ROBO1: variants seen among roughly 807,000 people sequenced by gnomAD.
The protein encoded by ROBO1 is roundabout homolog 1.
In ROBO1, 149 loss-of-function variants were observed where a neutral mutation model predicts 195.9. That is an observed-to-expected ratio of 0.76 (90% CI 0.67 to 0.87). ROBO1 has a LOEUF of 0.87. Among genes scored for constraint, ROBO1 ranks in the 40% least tolerant of loss-of-function variants. ROBO1 has a pLI of 0.00. For synonymous variants in ROBO1, 816 were observed against 733.2 expected (o/e 1.11, Z -1.82); for missense variants, 1,933 against 2,068.3 (o/e 0.93, Z 1.27).
chr3:79,697,177 C>A (rs1447213605), intron 1 of ROBO1, among the ~76,000 whole-genome samples: 4 of 151,416 alleles, frequency 2.6e-5, no homozygotes, highest in South Asian at 2.1e-4. Flanking sequence ...AGGGTAATTT[C>A]CACCTAAGTA....
At chr3:78,889,451 C>T (rs1559967343) in intron 4 of ROBO1, among the ~76,000 whole-genome samples, 1 of 152,210 alleles carries the variant, frequency 6.6e-6, no homozygotes, top group Non-Finnish European at 1.5e-5. Flanking sequence ...AGAAAGCACA[C>T]ATGTGCGTAA....
intron 2 of ROBO1, among the ~76,000 whole-genome samples, chr3:79,342,962 G>T (rs1221132116): frequency 1.3e-5 from 2 of 152,104 alleles, no homozygotes; most frequent in Non-Finnish European, 2.9e-5. Context: ...ATTATAGGAA[G>T]TAGTTTCACT....
chr3:79,591,874 T>C (rs957764735), intron 1 of ROBO1, among the ~76,000 whole-genome samples: 1 of 151,706 alleles, frequency 6.6e-6, no homozygotes, highest in African/African-American at 2.4e-5. Flanking sequence ...CTCAGATTCC[T>C]CTTCTCTCTA....
At chr3:78,718,030 T>TAC (rs2081946332) in intron 5 of ROBO1, 147 bp from the exon 6 acceptor site, 1 of 745,764 alleles carries the variant, frequency 1.3e-6, no homozygotes, top group East Asian at 2.8e-5. Context: ...TTTGCTATTT[T>TAC]TAGGTAGTAC....
At chr3:78,935,872 T>C (rs1223700688) in intron 4 of ROBO1, among the ~76,000 whole-genome samples, 5 of 152,054 alleles carry the variant, frequency 3.3e-5, no homozygotes. Flanking sequence ...ATGTTAGAGA[T>C]AAAAACTACT....
chr3:79,509,349 T>C (rs899595333), intron 2 of ROBO1, among the ~76,000 whole-genome samples: 1 of 152,178 alleles, frequency 6.6e-6, no homozygotes, highest in African/African-American at 2.4e-5. Flanking sequence ...TTAATGTTCC[T>C]GCTTATGCTC....
rs1467242510 is a variant in ROBO1 at position 78,925,136 on chromosome 3, A to G, written c.499+13465T>C. Among the ~76,000 whole-genome samples, 3 of 152,244 alleles carry G rather than the reference A, an allele frequency of 2.0e-5. No homozygotes were observed. The East Asian group carries it at 5.8e-4, about 29-fold the overall frequency. On this transcript the variant is annotated intron_variant, in intron 4 of 30. Transcript: ENST00000464233. ...ACATTTAGCTATAATGTTAATGAATACTTTTTTCTGCTTATGTAACAATTT... is the reference window on the plus strand; with the variant it reads ...ACATTTAGCTATAATGTTAATGAATGCTTTTTTCTGCTTATGTAACAATTT...
At chr3:78,906,625 A>T (rs2107510608) in intron 4 of ROBO1, among the ~76,000 whole-genome samples, 1 of 152,240 alleles carries the variant, frequency 6.6e-6, no homozygotes, top group Non-Finnish European at 1.5e-5. Context: ...AAACATTCTG[A>T]TACTTTAAAA....
chr3:78,918,139 T>C (rs1642686405), intron 4 of ROBO1, among the ~76,000 whole-genome samples: 1 of 152,206 alleles, frequency 6.6e-6, no homozygotes, highest in African/African-American at 2.4e-5. Context: ...ATAGTAGATT[T>C]TTAATCAACT....
At chr3:79,517,343 A>G (rs138632287) in intron 2 of ROBO1, among the ~76,000 whole-genome samples, 2 of 152,160 alleles carry the variant, frequency 1.3e-5, no homozygotes, top group African/African-American at 4.8e-5. Flanking sequence ...GACACTGACC[A>G]TCACTCTCTC....
At chr3:78,633,361 C>A (rs529990039) in intron 24 of ROBO1, among the ~76,000 whole-genome samples, 2 of 152,292 alleles carry the variant, frequency 1.3e-5, no homozygotes, top group Non-Finnish European at 2.9e-5. Flanking sequence ...AGCATGAAGA[C>A]CACAGGGAAG....
intron 2 of ROBO1, among the ~76,000 whole-genome samples, chr3:79,333,313 T>C (rs1171869971): frequency 1.3e-5 from 2 of 152,182 alleles, no homozygotes; most frequent in African/African-American, 4.8e-5. Flanking sequence ...TGAAATGTCT[T>C]TGATTTAAAA....
chr3:78,956,230 CA>C (rs1484663107), intron 3 of ROBO1, among the ~76,000 whole-genome samples: 1 of 152,062 alleles, frequency 6.6e-6, no homozygotes. Flanking sequence ...CATTCCAAAA[CA>C]AATGTCTAGT....
chr3:79,043,148 A>C (rs1295390146), intron 3 of ROBO1, among the ~76,000 whole-genome samples: 1 of 152,186 alleles, frequency 6.6e-6, no homozygotes, highest in Non-Finnish European at 1.5e-5. Flanking sequence ...AATAAGAAAC[A>C]GTAGATGCAA....
At chr3:78,782,324 G>A (rs917019710) in intron 4 of ROBO1, among the ~76,000 whole-genome samples, 3 of 151,884 alleles carry the variant, frequency 2.0e-5, no homozygotes, top group African/African-American at 7.3e-5. Flanking sequence ...AGCCTCCCAA[G>A]TAGCTGGGAT....
In ROBO1 at chr3:79,753,431, C is replaced by T. The variant is rs1434256484; in HGVS notation, c.-51+14321G>A. 2.0e-5 allele frequency among the ~76,000 whole-genome samples: 3 copies of T among 152,140 alleles called. No individual in the cohort carries two copies. The East Asian group carries it at 5.8e-4, about 29-fold the overall frequency. On this transcript the variant is annotated intron_variant, in intron 1 of 30. Coordinates refer to ENST00000464233, the MANE Select transcript of ROBO1 (RefSeq NM_002941.4). ...GACAAAATAGGGTTGAACCTAAGCT[C>T]TGCCATGAAACCTTGTACATGAGAG... is the stretch of plus-strand genomic sequence containing the variant.
intron 1 of ROBO1, among the ~76,000 whole-genome samples, chr3:79,642,783 G>A (rs1048064194): frequency 5.9e-5 from 9 of 151,896 alleles, no homozygotes; most frequent in Non-Finnish European, 1.2e-4. Flanking sequence ...CACTCTGAAC[G>A]AAAAAAACAC....
At chr3:78,686,784 C>T (rs2081061994) in intron 9 of ROBO1, among the ~76,000 whole-genome samples, 1 of 152,058 alleles carries the variant, frequency 6.6e-6, no homozygotes, top group Non-Finnish European at 1.5e-5. Context: ...ATAAAAGTTC[C>T]ATAACCTATG....
intron 10 of ROBO1, among the ~76,000 whole-genome samples, chr3:78,682,491 ATATG>A (rs2080943392): frequency 1.5e-5 from 2 of 130,660 alleles, no homozygotes; most frequent in Admixed American, 7.6e-5. Flanking sequence ...ATATATGTGT[ATATG>A]TATATATGTA....
Sources: allele counts gnomAD v4.1 joint callset (sites outside exome capture counted in the v4.1 genomes callset), GRCh38; gene constraint gnomAD v4.1.1; transcripts MANE v1.5; gene names NCBI Gene and HGNC (gene_info 2026-07-23, HGNC 2026-07-21).